SGCZ: variants seen among roughly 807,000 people sequenced by gnomAD.
SGCZ encodes zeta-sarcoglycan.
In SGCZ, 40 loss-of-function variants were observed where a neutral mutation model predicts 41.3. The ratio of observed to expected loss-of-function variants is 0.97; its 90% CI spans 0.75 to 1.26. The LOEUF is 1.26. SGCZ is among the 50% of genes most tolerant of loss of function. The pLI, the probability that SGCZ is intolerant of heterozygous loss-of-function variation, is 0.00. For missense variants in SGCZ, 552 were observed against 369.8 expected (o/e 1.49, Z -4.04); for synonymous variants, 206 against 137.5 (o/e 1.50, Z -3.49).
At chr8:14,449,076 A>C (rs562198019) in intron 2 of SGCZ, among the ~76,000 whole-genome samples, 1 of 152,318 alleles carries the variant, frequency 6.6e-6, no homozygotes, top group Non-Finnish European at 1.5e-5. Flanking sequence ...TTCAGGATGC[A>C]AAACAAGTCC....
chr8:14,196,585 T>C (rs1431736755), intron 4 of SGCZ, among the ~76,000 whole-genome samples: 1 of 152,172 alleles, frequency 6.6e-6, no homozygotes, highest in East Asian at 1.9e-4. Context: ...AATTTGTACA[T>C]TGGTGTTTAA....
intron 1 of SGCZ, among the ~76,000 whole-genome samples, chr8:14,874,961 A>G (rs144171803): frequency 0.01 from 1,546 of 152,300 alleles, 17 homozygotes; most frequent in South Asian, 0.036. Flanking sequence ...GTCTGACCTA[A>G]TCAGGTGCAT....
At chr8:14,680,877 A>G (rs760752617) in intron 1 of SGCZ, among the ~76,000 whole-genome samples, 1 of 150,548 alleles carries the variant, frequency 6.6e-6, no homozygotes, top group Non-Finnish European at 1.5e-5. Flanking sequence ...TTAACAGCAC[A>G]TTGGACACTC....
chr8:14,398,889 G>A (rs1798993365), intron 2 of SGCZ, among the ~76,000 whole-genome samples: 1 of 151,974 alleles, frequency 6.6e-6, no homozygotes, highest in South Asian at 2.1e-4. Flanking sequence ...TCATTCCAGT[G>A]TTTCTTTGGG....
chr8:14,384,891 C>G (rs191492987), intron 2 of SGCZ, among the ~76,000 whole-genome samples: 23 of 152,278 alleles, frequency 1.5e-4, no homozygotes, highest in African/African-American at 5.1e-4. Context: ...ATTTGTAAGT[C>G]CCAGTTGAGC....
chr8:14,712,458 T>G (rs1245977657), intron 1 of SGCZ, among the ~76,000 whole-genome samples: 1 of 152,230 alleles, frequency 6.6e-6, no homozygotes, highest in Non-Finnish European at 1.5e-5. Context: ...CTGCAGTATG[T>G]GAGGTTATTC....
chr8:15,087,978 A>G (rs191234882), intron 1 of SGCZ, among the ~76,000 whole-genome samples: 24 of 149,602 alleles, frequency 1.6e-4, no homozygotes, highest in Admixed American at 1.6e-3. Context: ...CACCATTACT[A>G]TATACCTCAT....
At chr8:14,789,948 G>A (rs540241868) in intron 1 of SGCZ, among the ~76,000 whole-genome samples, 61 of 152,070 alleles carry the variant, frequency 4.0e-4, no homozygotes, top group Admixed American at 1.6e-3. Flanking sequence ...CCATTATAAC[G>A]TATGTTTGGT....
At chr8:14,592,383 A>G (rs1040709420) in intron 1 of SGCZ, among the ~76,000 whole-genome samples, 9 of 152,074 alleles carry the variant, frequency 5.9e-5, no homozygotes, top group Non-Finnish European at 1.2e-4. Context: ...AGTCCAATGT[A>G]TTTTCTACTG....
intron 1 of SGCZ, among the ~76,000 whole-genome samples, chr8:15,071,986 G>C (rs934640894): frequency 2.0e-5 from 3 of 152,080 alleles, no homozygotes; most frequent in Non-Finnish European, 2.9e-5. Flanking sequence ...GGAACGACTT[G>C]CACCCAGCTC....
In SGCZ at chr8:14,211,665, G is replaced by C. The variant is rs554686876; in HGVS notation, c.424+25927C>G. ...CAATTAAGCAGGAGAGAGAGAGAGA[G>C]AGAGAGTAAAAAGGGAAGTGCTACA... On this transcript the variant is annotated intron_variant, in intron 4 of 7. Transcript: ENST00000382080. Among the ~76,000 whole-genome samples the C allele has an allele frequency of 2.6e-5, 4 of 152,126 alleles. No individual in the cohort carries two copies. The East Asian group carries it at 5.8e-4, about 22-fold the overall frequency.
At chr8:14,967,299 A>C in intron 1 of SGCZ, among the ~76,000 whole-genome samples, 1 of 152,174 alleles carries the variant, frequency 6.6e-6, no homozygotes, top group East Asian at 1.9e-4. Context: ...TTTCAAGTGC[A>C]AAGGGATAGC....
chr8:14,890,860 T>G (rs1804985487), intron 1 of SGCZ, among the ~76,000 whole-genome samples: 1 of 152,196 alleles, frequency 6.6e-6, no homozygotes, highest in Admixed American at 6.5e-5. Context: ...ATTTACCATT[T>G]CCAAAATCCT....
Position 14,086,767 on chromosome 8 carries a change from G to A in SGCZ, c.*3676C>T, listed in dbSNP as rs796751091. Among the ~76,000 whole-genome samples, 9 of 151,530 alleles carry A rather than the reference G, an allele frequency of 5.9e-5. No individual in the cohort carries two copies. Among genetic ancestry groups the A allele is most frequent in the East Asian group, 1.9e-4 (1 of 5,144 alleles). On this transcript the variant is annotated 3_prime_UTR_variant, in exon 8 of 8. Transcript: ENST00000382080. Reference sequence around the variant, plus strand: ...TATAAAAAAGAGCATAGGAAGTAGCGTGCCAAAAAGGTTTGTATTTCAACT... The same window carrying A: ...TATAAAAAAGAGCATAGGAAGTAGCATGCCAAAAAGGTTTGTATTTCAACT...
chr8:14,297,923 G>C, intron 3 of SGCZ, among the ~76,000 whole-genome samples: 1 of 151,478 alleles, frequency 6.6e-6, no homozygotes, highest in Non-Finnish European at 1.5e-5. Context: ...AATACAACTA[G>C]ATAAAAGTCT....
At chr8:14,099,104 T>C (rs1028896053) in intron 7 of SGCZ, among the ~76,000 whole-genome samples, 3 of 152,182 alleles carry the variant, frequency 2.0e-5, no homozygotes, top group African/African-American at 7.2e-5. Flanking sequence ...GATAGAGGTA[T>C]AAGTCATAAG....
chr8:14,879,127 C>G (rs960357836), intron 1 of SGCZ: 2 of 152,006 alleles, frequency 1.3e-5, no homozygotes, highest in East Asian at 1.9e-4. Flanking sequence ...GAATTTAAGA[C>G]CAGCCTGAGT....
At chr8:14,633,427 T>A (rs1160814962) in intron 1 of SGCZ, among the ~76,000 whole-genome samples, 1 of 152,008 alleles carries the variant, frequency 6.6e-6, no homozygotes, top group Non-Finnish European at 1.5e-5. Flanking sequence ...ATAAGTAACC[T>A]ATTACTTAAC....
intron 2 of SGCZ, among the ~76,000 whole-genome samples, chr8:14,407,268 C>T (rs962123213): frequency 6.6e-6 from 1 of 151,930 alleles, no homozygotes; most frequent in Non-Finnish European, 1.5e-5. Flanking sequence ...AGGGTTTCAC[C>T]ATGCTGGCCA....
Sources: allele counts gnomAD v4.1 joint callset (sites outside exome capture counted in the v4.1 genomes callset), GRCh38; gene constraint gnomAD v4.1.1; transcripts MANE v1.5; gene names NCBI Gene and HGNC (gene_info 2026-07-23, HGNC 2026-07-21).